GABBR2: variants seen among roughly 807,000 people sequenced by gnomAD.
The protein encoded by GABBR2 is G-protein coupled receptor 51.
GABBR2 carries 23 observed loss-of-function variants against 105.6 expected under a neutral mutation model. The observed-to-expected ratio is 0.22, with a 90% CI of 0.16 to 0.31. GABBR2 has a LOEUF of 0.31. Ranked by LOEUF, GABBR2 falls within the 10% of genes least tolerant of loss-of-function variation. GABBR2 has a pLI of 1.00. For synonymous variants in GABBR2, 478 were observed against 499.7 expected (o/e 0.96, Z 0.58); for missense variants, 734 against 1,245.5 (o/e 0.59, Z 6.18).
chr9:98,532,251 A>G (rs1235241466), intron 3 of GABBR2, among the ~76,000 whole-genome samples: 1 of 152,256 alleles, frequency 6.6e-6, no homozygotes, highest in Non-Finnish European at 1.5e-5. Flanking sequence ...AGGTCTGGAC[A>G]GGACAGATAA....
intron 1 of GABBR2, among the ~76,000 whole-genome samples, chr9:98,589,210 C>T (rs1346204101): frequency 6.6e-6 from 1 of 152,142 alleles, no homozygotes; most frequent in East Asian, 1.9e-4. Flanking sequence ...CTGTTCCTAC[C>T]CGAGCCTCTT....
At chr9:98,648,115 GT>G (rs1187732660) in intron 1 of GABBR2, among the ~76,000 whole-genome samples, 7,395 of 43,892 alleles carry the variant, frequency 0.17, 226 homozygotes, top group Non-Finnish European at 0.18. Context: ...GTGTGTGTGT[GT>G]ATAGATAGAT....
At chr9:98,398,749 C>G (rs1389163025) in intron 8 of GABBR2, among the ~76,000 whole-genome samples, 2 of 152,190 alleles carry the variant, frequency 1.3e-5, no homozygotes, top group African/African-American at 4.8e-5. Context: ...CTCCCTCTCC[C>G]AGCATTACCT....
intron 13 of GABBR2, among the ~76,000 whole-genome samples, chr9:98,324,840 C>T (rs1041553831): frequency 6.6e-6 from 1 of 152,044 alleles, no homozygotes; most frequent in African/African-American, 2.4e-5. Flanking sequence ...CAGGATGCTC[C>T]GATTTCATTA....
intron 16 of GABBR2, among the ~76,000 whole-genome samples, chr9:98,301,582 T>C (rs562263927): frequency 6.6e-6 from 1 of 152,268 alleles, no homozygotes; most frequent in Admixed American, 6.5e-5. Flanking sequence ...TACTCTTTTC[T>C]ATGTGACTTA....
intron 7 of GABBR2, among the ~76,000 whole-genome samples, chr9:98,411,881 C>T (rs1832597649): frequency 6.6e-6 from 1 of 152,128 alleles, no homozygotes; most frequent in African/African-American, 2.4e-5. Flanking sequence ...GCTGCAAAAT[C>T]CCATCTGATG....
chr9:98,343,852 C>T (rs1037726666), intron 13 of GABBR2, among the ~76,000 whole-genome samples: 6 of 151,120 alleles, frequency 4.0e-5, no homozygotes, highest in Admixed American at 6.6e-5. Flanking sequence ...AGCAAGACTC[C>T]GTCAAAATAA....
At chr9:98,534,796 C>A (rs2131731639) in intron 3 of GABBR2, among the ~76,000 whole-genome samples, 1 of 152,326 alleles carries the variant, frequency 6.6e-6, no homozygotes, top group Non-Finnish European at 1.5e-5. Flanking sequence ...AATGGTACAG[C>A]CACTTTGGAA....
intron 1 of GABBR2, among the ~76,000 whole-genome samples, chr9:98,610,322 G>C (rs1014407197): frequency 1.8e-4 from 27 of 152,216 alleles, no homozygotes; most frequent in African/African-American, 6.5e-4. Flanking sequence ...GAGCAGTCAG[G>C]ACACAGAGCC....
intron 1 of GABBR2, among the ~76,000 whole-genome samples, chr9:98,640,280 A>C (rs1829942253): frequency 6.6e-6 from 1 of 152,090 alleles, no homozygotes; most frequent in South Asian, 2.1e-4. Flanking sequence ...GTTGAACTGA[A>C]TTCAATCCCC....
chr9:98,645,495 C>A (rs1830018695), intron 1 of GABBR2, among the ~76,000 whole-genome samples: 1 of 152,184 alleles, frequency 6.6e-6, no homozygotes, highest in African/African-American at 2.4e-5. Flanking sequence ...GGCTACCCTG[C>A]ACCTTCAGCC....
chr9:98,293,741 C>T lies in GABBR2; in HGVS notation c.2660+44G>A, dbSNP rs747511786. The T allele has an allele frequency of 1.1e-4, 118 of 1,046,590 alleles. 1 individual carries two copies. The highest frequency in any genetic ancestry group is 2.3e-4 in the South Asian group (17 of 73,916). 64.8% of individuals were successfully genotyped at this position (1,046,590 alleles called of 1,614,324 possible). On this transcript the variant is annotated intron_variant, in intron 18 of 18. Transcript: ENST00000259455. ...ATTGCAAACTCTTGTGCAGGAGTGA[C>T]GTATTTCTTCTTCAGTTATAATTCT...
intron 1 of GABBR2, among the ~76,000 whole-genome samples, chr9:98,609,563 G>A (rs1328186020): frequency 3.3e-5 from 5 of 152,298 alleles, no homozygotes; most frequent in South Asian, 2.1e-4. Context: ...TGGGTGGGCT[G>A]AGCCCTAAGC....
In GABBR2 at chr9:98,295,759, C is replaced by T. The variant is rs181928543; in HGVS notation, c.2543-1857G>A. Among the ~76,000 whole-genome samples the T allele has an allele frequency of 2.0e-3, 297 of 152,266 alleles. 2 individuals are homozygous for T. Among genetic ancestry groups the T allele is most frequent in the South Asian group, 3.7e-3 (18 of 4,824 alleles). ...CAGGATGGTCTCGATCTCTTGACCTCGTGATCCGCCCACTTTGGCCTCCCA... is the reference window on the plus strand; with the variant it reads ...CAGGATGGTCTCGATCTCTTGACCTTGTGATCCGCCCACTTTGGCCTCCCA... On this transcript the variant is annotated intron_variant, in intron 17 of 18. Transcript: ENST00000259455.
At chr9:98,425,502 A>G (rs570725302) in intron 7 of GABBR2, among the ~76,000 whole-genome samples, 74 of 152,288 alleles carry the variant, frequency 4.9e-4, no homozygotes, top group Non-Finnish European at 8.4e-4. Flanking sequence ...TGGGCCACGC[A>G]CTGTGCTGGG....
chr9:98,611,854 G>A (rs1415493154), intron 1 of GABBR2, among the ~76,000 whole-genome samples: 1 of 152,130 alleles, frequency 6.6e-6, no homozygotes, highest in Non-Finnish European at 1.5e-5. Context: ...ATGCGCCCAA[G>A]GAGTGAATGA....
At chr9:98,570,990 A>T (rs980753007) in intron 2 of GABBR2, among the ~76,000 whole-genome samples, 1 of 152,164 alleles carries the variant, frequency 6.6e-6, no homozygotes, top group Admixed American at 6.5e-5. Flanking sequence ...CTCTGGCATC[A>T]CTGCCAGGCC....
chr9:98,401,073 G>GT (rs1296311187), intron 8 of GABBR2, among the ~76,000 whole-genome samples: 4 of 152,092 alleles, frequency 2.6e-5, no homozygotes, highest in Non-Finnish European at 5.9e-5. Flanking sequence ...GAGTGCCCAA[G>GT]AGAGAAGGAA....
intron 1 of GABBR2, among the ~76,000 whole-genome samples, chr9:98,683,496 T>C (rs1291273518): frequency 6.6e-6 from 1 of 152,160 alleles, no homozygotes; most frequent in Non-Finnish European, 1.5e-5. Context: ...AACGAGATCA[T>C]GCATGTAAAA....
Sources: allele counts gnomAD v4.1 joint callset (sites outside exome capture counted in the v4.1 genomes callset), GRCh38; gene constraint gnomAD v4.1.1; transcripts MANE v1.5; gene names NCBI Gene and HGNC (gene_info 2026-07-23, HGNC 2026-07-21).